The following GALNT14 variants were observed in gnomAD, a reference collection of about 807,000 sequenced individuals.
GALNT14 encodes the protein polypeptide N-acetylgalactosaminyltransferase 14.
In GALNT14, 60 loss-of-function variants were observed where a neutral mutation model predicts 77.5. The observed-to-expected ratio is 0.77, with a 90% CI of 0.63 to 0.96. The LOEUF is 0.96. Among genes scored for constraint, GALNT14 ranks in the 40% least tolerant of loss-of-function variants. GALNT14 has a pLI of 0.00. For missense variants in GALNT14, 710 were observed against 731.0 expected, an observed-to-expected ratio of 0.97 and a Z score of 0.33; for synonymous variants, 280 against 281.7, an observed-to-expected ratio of 0.99 and a Z score of 0.06.
intron 1 of GALNT14, among the ~76,000 whole-genome samples, chr2:31,038,746 A>AC (rs1672918821): frequency 7.9e-6 from 1 of 127,178 alleles, no homozygotes; most frequent in Admixed American, 8.7e-5. Flanking sequence ...GAGATTCAGC[A>AC]ATTTTTTTTT....
chr2:31,002,893 G>T (rs1434652554), intron 1 of GALNT14, among the ~76,000 whole-genome samples: 1 of 152,100 alleles, frequency 6.6e-6, no homozygotes, highest in Non-Finnish European at 1.5e-5. Context: ...CCCTCACCGA[G>T]GGACCCCACA....
At chr2:31,093,863 A>G (rs1375492501) in intron 1 of GALNT14, among the ~76,000 whole-genome samples, 3 of 152,256 alleles carry the variant, frequency 2.0e-5, no homozygotes, top group African/African-American at 4.8e-5. Context: ...TCCAAGTCCT[A>G]CACTGAAGTA....
chr2:31,127,649 T>C (rs982677046), intron 1 of GALNT14, among the ~76,000 whole-genome samples: 2 of 152,224 alleles, frequency 1.3e-5, no homozygotes, highest in Non-Finnish European at 2.9e-5. Context: ...TGGGTTTATA[T>C]GTAGGAGTTG....
At chr2:31,006,295 G>A (rs114796327) in intron 1 of GALNT14, among the ~76,000 whole-genome samples, 2,090 of 152,134 alleles carry the variant, frequency 0.014, 29 homozygotes, top group Middle Eastern at 0.031. Context: ...TTTAAAAAGT[G>A]ACTACTTCTC....
rs1676659892 is a variant in GALNT14, at chr2:31,090,222, T to C, written c.129+47736A>G. Among the ~76,000 whole-genome samples the C allele has an allele frequency of 2.0e-5, 3 of 152,068 alleles. No homozygotes were observed. The South Asian group carries it at 6.2e-4, about 32-fold the overall frequency. On this transcript the variant is annotated intron_variant, in intron 1 of 14. Transcript: ENST00000349752. ...ACAGCCAGGCTGGGTGAGGGCCCCC[T>C]CTTCTGAGATCCCCAGACCACCCTA...
the GALNT14 span, among the ~76,000 whole-genome samples, chr2:30,887,931 T>C: frequency 6.6e-6 from 1 of 152,252 alleles, no homozygotes; most frequent in African/African-American, 2.4e-5. Flanking sequence ...CCTGCTCCCA[T>C]GCCTACCTCA....
At chr2:30,961,069 T>C (rs1046646922) in intron 3 of GALNT14, among the ~76,000 whole-genome samples, 1 of 152,246 alleles carries the variant, frequency 6.6e-6, no homozygotes, top group Non-Finnish European at 1.5e-5. Flanking sequence ...CAGGGCAGCG[T>C]GGGCAGTGTA....
intron 1 of GALNT14, among the ~76,000 whole-genome samples, chr2:31,124,846 T>C (rs979266406): frequency 1.2e-4 from 18 of 152,262 alleles, no homozygotes; most frequent in African/African-American, 4.3e-4. Context: ...GCACCCAGCA[T>C]TTCTCCTAAA....
intron 1 of GALNT14, among the ~76,000 whole-genome samples, chr2:31,093,822 T>A (rs935358758): frequency 6.6e-6 from 1 of 152,248 alleles, no homozygotes; most frequent in Non-Finnish European, 1.5e-5. Context: ...AAAACATTTG[T>A]GAGCATGGAA....
At chr2:30,900,534 A>G in the GALNT14 span, among the ~76,000 whole-genome samples, 1 of 152,186 alleles carries the variant, frequency 6.6e-6, no homozygotes, top group African/African-American at 2.4e-5. Flanking sequence ...CATTCATAGA[A>G]ATTTATTGAG....
chr2:31,100,580 G>A (rs1677219963), intron 1 of GALNT14, among the ~76,000 whole-genome samples: 1 of 151,762 alleles, frequency 6.6e-6, no homozygotes, highest in African/African-American at 2.4e-5. Context: ...AGTATCACCT[G>A]TGCAATGAGG....
intron 1 of GALNT14, among the ~76,000 whole-genome samples, chr2:31,000,413 T>A (rs1239949046): frequency 6.7e-6 from 1 of 149,342 alleles, no homozygotes; most frequent in Non-Finnish European, 1.5e-5. Flanking sequence ...TTGGTCAGGG[T>A]TCTACAGAAA....
chr2:31,130,302 G>A (rs1185418684), intron 1 of GALNT14, among the ~76,000 whole-genome samples: 2 of 152,188 alleles, frequency 1.3e-5, no homozygotes, highest in Non-Finnish European at 2.9e-5. Context: ...AACTAGCTTT[G>A]TGTCCAGAGC....
intron 1 of GALNT14, among the ~76,000 whole-genome samples, chr2:31,097,538 A>AT (rs1558567139): frequency 6.6e-6 from 1 of 151,660 alleles, no homozygotes. Flanking sequence ...AAAAAAAAAA[A>AT]TTGAATGAAA....
At chr2:31,085,125 C>G (rs1383368020) in intron 1 of GALNT14, among the ~76,000 whole-genome samples, 1 of 152,200 alleles carries the variant, frequency 6.6e-6, no homozygotes, top group Non-Finnish European at 1.5e-5. Flanking sequence ...ATTTGCTAAG[C>G]TGCCAGGTAA....
At chr2:31,019,864 G>T (rs983366580) in intron 1 of GALNT14, among the ~76,000 whole-genome samples, 1 of 152,186 alleles carries the variant, frequency 6.6e-6, no homozygotes. Flanking sequence ...TACTGTAAAA[G>T]TGCCTTAACA....
chr2:31,092,942 C>G lies in GALNT14; in HGVS notation c.129+45016G>C, dbSNP rs928780567. On this transcript the variant is annotated intron_variant, in intron 1 of 14. Transcript: ENST00000349752. ...GCCCATTTTGCAAAGACCTCCTTAA[C>G]TACACCATGAAAATCCACAAGGGTA... Among the ~76,000 whole-genome samples the G allele has an allele frequency of 1.9e-4, 29 of 152,206 alleles. 1 individual carries two copies. The highest frequency in any genetic ancestry group is 3.2e-3 in the Middle Eastern group (1 of 316).
At chr2:31,064,407 C>CA (rs1490170607) in intron 1 of GALNT14, among the ~76,000 whole-genome samples, 3 of 152,234 alleles carry the variant, frequency 2.0e-5, no homozygotes, top group African/African-American at 7.2e-5. Context: ...AGACCTCCCT[C>CA]AGAGGCCTGG....
At chr2:30,939,844 A>C (rs1666274081) in intron 9 of GALNT14, among the ~76,000 whole-genome samples, 1 of 151,972 alleles carries the variant, frequency 6.6e-6, no homozygotes. Context: ...CATCACTCGT[A>C]CACCCCATCC....
Sources: gnomAD v4.1 joint callset for allele counts (sites outside exome capture counted in the v4.1 genomes callset) on GRCh38, gnomAD v4.1.1 for gene constraint, MANE v1.5 for transcripts, NCBI Gene and HGNC (gene_info 2026-07-23, HGNC 2026-07-21) for gene names.